Variants in LRBA observed in about 807,000 individuals in gnomAD.
The protein encoded by LRBA is lipopolysaccharide-responsive and beige-like anchor protein.
Under a neutral mutation model 330.0 loss-of-function variants are expected in LRBA, and 176 were observed. The observed-to-expected ratio is 0.53, with a 90% confidence interval of 0.47 to 0.60. The LOEUF is 0.60. Among genes scored for constraint, LRBA ranks in the 20% least tolerant of loss-of-function variants. The pLI is 0.00. For synonymous variants in LRBA, 1,230 were observed against 1,193.0 expected (o/e 1.03, Z -0.64); for missense variants, 3,259 against 3,444.8 (o/e 0.95, Z 1.35).
Position 150,429,720 on chromosome 4 carries a change from G to A in LRBA, c.7041+5869C>T, listed in dbSNP as rs550320286. Among the ~76,000 whole-genome samples, 21 of 152,052 alleles carry A rather than the reference G, an allele frequency of 1.4e-4. No homozygotes were observed. The South Asian group carries it at 4.4e-3, about 32-fold the overall frequency. ...GCTTAAAAATCACTTATTCTGTAAA[G>A]TCATTTGCAATCCCATCTCCCCCAG... On this transcript the variant is annotated intron_variant, in intron 46 of 56. Coordinates refer to ENST00000651943, the MANE Select transcript of LRBA (RefSeq NM_001364905.1).
intron 36 of LRBA, among the ~76,000 whole-genome samples, chr4:150,688,241 G>A (rs760702945): frequency 6.6e-6 from 1 of 152,144 alleles, no homozygotes; most frequent in Non-Finnish European, 1.5e-5. Context: ...TGGGAAAACT[G>A]GCTAGCCATA....
At chr4:150,506,328 G>A (rs567847373) in intron 40 of LRBA, among the ~76,000 whole-genome samples, 7 of 152,086 alleles carry the variant, frequency 4.6e-5, no homozygotes, top group Non-Finnish European at 4.4e-5. Flanking sequence ...AAAATCCTCA[G>A]TAAAATACTG....
At chr4:150,826,220 C>A (rs903247129) in intron 30 of LRBA, among the ~76,000 whole-genome samples, 11 of 152,234 alleles carry the variant, frequency 7.2e-5, no homozygotes, top group Middle Eastern at 3.4e-3. Flanking sequence ...TTCTGCCAAC[C>A]AAGAGGCAAC....
chr4:150,897,640 C>T (rs924279305), intron 15 of LRBA, 99 bp downstream of exon 15: 7 of 836,400 alleles, frequency 8.4e-6, no homozygotes, highest in Admixed American at 2.3e-5. Flanking sequence ...TGTGTAACCA[C>T]AGTAACCAAG....
At chr4:150,923,215 C>T (rs1263148262) in intron 4 of LRBA, among the ~76,000 whole-genome samples, 1 of 151,780 alleles carries the variant, frequency 6.6e-6, no homozygotes, top group Non-Finnish European at 1.5e-5. Context: ...ATACTTTCAC[C>T]ATTAAAATAG....
At chr4:150,839,729 G>T (rs1282131692) in intron 28 of LRBA, among the ~76,000 whole-genome samples, 2 of 152,184 alleles carry the variant, frequency 1.3e-5, no homozygotes, top group Non-Finnish European at 1.5e-5. Flanking sequence ...ACACACCAGG[G>T]CCTGTCATGG....
chr4:150,570,394 T>C (rs1054303855), intron 40 of LRBA, among the ~76,000 whole-genome samples: 13 of 152,166 alleles, frequency 8.5e-5, no homozygotes, highest in African/African-American at 3.1e-4. Flanking sequence ...CCCAGAGTAA[T>C]TAGTGTTGTC....
At chr4:150,907,011 GA>G (rs1407414884) in intron 11 of LRBA, among the ~76,000 whole-genome samples, 2 of 150,746 alleles carry the variant, frequency 1.3e-5, no homozygotes, top group Non-Finnish European at 3.0e-5. Context: ...AGTCAGTCTC[GA>G]ACACTTTTAA....
intron 48 of LRBA, among the ~76,000 whole-genome samples, chr4:150,328,635 A>C (rs936477773): frequency 6.6e-6 from 1 of 152,146 alleles, no homozygotes; most frequent in South Asian, 2.1e-4. Context: ...CCCTAGGATG[A>C]AAATACATGA....
intron 40 of LRBA, among the ~76,000 whole-genome samples, chr4:150,548,850 G>A (rs2152241334): frequency 6.6e-6 from 1 of 152,194 alleles, no homozygotes; most frequent in East Asian, 1.9e-4. Context: ...TTCCACAAAT[G>A]AGGAAGCTAA....
chr4:150,866,318 T>A (rs932719041), intron 22 of LRBA, among the ~76,000 whole-genome samples: 1 of 152,210 alleles, frequency 6.6e-6, no homozygotes, highest in African/African-American at 2.4e-5. Context: ...AATAGTTAGA[T>A]AATCCACATA....
intron 36 of LRBA, among the ~76,000 whole-genome samples, chr4:150,697,386 T>A: frequency 8.0e-6 from 1 of 125,784 alleles, no homozygotes; most frequent in Non-Finnish European, 1.7e-5. Context: ...AAAGGCTAAG[T>A]ACCTGTTCAC....
At chr4:150,414,840 C>T (rs967544943) in intron 47 of LRBA, among the ~76,000 whole-genome samples, 1 of 152,120 alleles carries the variant, frequency 6.6e-6, no homozygotes, top group Admixed American at 6.5e-5. Context: ...TTCCAAACTT[C>T]TGTGAAACTT....
intron 36 of LRBA, among the ~76,000 whole-genome samples, chr4:150,711,395 C>G (rs1459322275): frequency 6.6e-6 from 1 of 151,906 alleles, no homozygotes; most frequent in Non-Finnish European, 1.5e-5. Context: ...ACCACCACAC[C>G]CAGCTAATTT....
At chr4:150,959,292 G>A (rs1737880222) in intron 2 of LRBA, among the ~76,000 whole-genome samples, 1 of 148,896 alleles carries the variant, frequency 6.7e-6, no homozygotes, top group Admixed American at 6.6e-5. Flanking sequence ...AGAAGAGCAG[G>A]GGAAAAACCC....
intron 44 of LRBA, among the ~76,000 whole-genome samples, chr4:150,454,436 T>C (rs958358153): frequency 4.6e-5 from 7 of 152,080 alleles, no homozygotes; most frequent in African/African-American, 1.7e-4. Context: ...ATTTGAACAG[T>C]TATTAATGTT....
chr4:150,419,664 G>C (rs1366063420), intron 46 of LRBA, among the ~76,000 whole-genome samples: 4 of 108,868 alleles, frequency 3.7e-5, no homozygotes, highest in Non-Finnish European at 6.9e-5. Context: ...TTGAGATGAA[G>C]TCTTACTATG....
intron 41 of LRBA, among the ~76,000 whole-genome samples, chr4:150,488,666 A>C (rs1287069519): frequency 6.6e-6 from 1 of 151,206 alleles, no homozygotes; most frequent in African/African-American, 2.4e-5. Flanking sequence ...ATGGAATTTT[A>C]ACTTCAATGT....
chr4:150,868,308 G>T lies in LRBA; in HGVS notation c.2450-3C>A, dbSNP rs759888028. The T allele has an allele frequency of 1.3e-6, 2 of 1,587,958 alleles. No individual in the cohort carries two copies. The highest frequency in any genetic ancestry group is 3.5e-5 in the Admixed American group (2 of 56,740). ...GGTCGCAATTACTTTTAGTATCTCT[G>T]TAAGACAGTTTATAAATAAGTAAAA... On this transcript the variant is annotated splice_region_variant and splice_polypyrimidine_tract_variant and intron_variant, in intron 20 of 56. Transcript: ENST00000651943.
Sources: allele counts gnomAD v4.1 joint callset (sites outside exome capture counted in the v4.1 genomes callset), GRCh38; gene constraint gnomAD v4.1.1; transcripts MANE v1.5; gene names NCBI Gene and HGNC (gene_info 2026-07-23, HGNC 2026-07-21).